The following NFKB1 variants were observed in gnomAD, a reference collection of about 807,000 sequenced individuals.
The protein encoded by NFKB1 is nuclear factor kappa B subunit 1, also known as nuclear factor NF-kappa-B p105 subunit.
Under a neutral mutation model 105.1 loss-of-function variants are expected in NFKB1, and 9 were observed. The observed-to-expected ratio is 0.09, with a 90% CI of 0.05 to 0.15. NFKB1 has a LOEUF of 0.15. Ranked by LOEUF, NFKB1 falls within the 10% of genes least tolerant of loss-of-function variation. The pLI, the probability that NFKB1 is intolerant of heterozygous loss-of-function variation, is 1.00. For missense variants in NFKB1, 830 were observed against 1,203.7 expected, an observed-to-expected ratio of 0.69 and a Z score of 4.59; for synonymous variants, 440 against 442.2, an observed-to-expected ratio of 1.00 and a Z score of 0.06.
intron 5 of NFKB1, among the ~76,000 whole-genome samples, chr4:102,542,716 T>C (rs1742086212): frequency 6.6e-6 from 1 of 152,238 alleles, no homozygotes; most frequent in African/African-American, 2.4e-5. Context: ...AACCCAAATT[T>C]GCCATTGTAT....
At chr4:102,562,941 A>G (rs981718196) in intron 5 of NFKB1, among the ~76,000 whole-genome samples, 2 of 152,178 alleles carry the variant, frequency 1.3e-5, no homozygotes, top group African/African-American at 4.8e-5. Context: ...GAAAAGAACT[A>G]CTTCATGTAT....
intron 1 of NFKB1, among the ~76,000 whole-genome samples, chr4:102,517,574 A>G (rs1460608560): frequency 1.3e-5 from 2 of 152,220 alleles, no homozygotes; most frequent in African/African-American, 4.8e-5. Context: ...TGATAAATAT[A>G]TAGGTAAAGT....
In NFKB1 at chr4:102,501,441, CT is replaced by C; in HGVS notation, c.-353del. 6.6e-6 allele frequency: 1 copy of C among 150,984 alleles called. No individual in the cohort carries two copies. The highest frequency in any genetic ancestry group is 1.5e-5 in the Non-Finnish European group (1 of 67,526). 9.4% of individuals were successfully genotyped at this position (150,984 alleles called of 1,614,324 possible). A position where few individuals can be genotyped will look rare whatever the true frequency, so the allele number is the denominator to read the frequency against. ...CGACGCGCTGACAGCTTCCCCTGCC[CT>C]TCCCGTCGGTCGGGCCGCCAGCCGC... On this transcript the variant is annotated 5_prime_UTR_variant, in exon 1 of 24. Transcript: ENST00000226574.
chr4:102,580,452 C>G, intron 8 of NFKB1, 83 bp from the exon 9 acceptor site: 2 of 1,071,684 alleles, frequency 1.9e-6, no homozygotes, highest in South Asian at 2.6e-5. Context: ...GTCATGTGTG[C>G]TAAGGGGAGG....
In NFKB1 at chr4:102,590,200, T is replaced by C. The variant is rs75656369; in HGVS notation, c.1067-3225T>C. Among the ~76,000 whole-genome samples, 1,043 of 152,282 alleles carry C rather than the reference T, an allele frequency of 6.8e-3. 10 individuals carry two copies. The highest frequency in any genetic ancestry group is 0.024 in the African/African-American group (981 of 41,550). Reference sequence around the variant, plus strand: ...CATTGTCTCTGCCTCTCACTTTAACTCTTTAGTATGTCCCACACACACGTA... The same window carrying C: ...CATTGTCTCTGCCTCTCACTTTAACCCTTTAGTATGTCCCACACACACGTA... On this transcript the variant is annotated intron_variant, in intron 11 of 23. Transcript: ENST00000226574.
intron 1 of NFKB1, among the ~76,000 whole-genome samples, chr4:102,524,958 A>G (rs1598856): frequency 0.6 from 91,808 of 151,974 alleles, 28,600 homozygotes; most frequent in African/African-American, 0.76. Flanking sequence ...CGTTATCCAT[A>G]GCCCAGGGTT....
chr4:102,613,029 A>G (rs1263540644), intron 22 of NFKB1, among the ~76,000 whole-genome samples: 3 of 152,114 alleles, frequency 2.0e-5, no homozygotes, highest in African/African-American at 7.2e-5. Flanking sequence ...ATTTCTAAAA[A>G]TAAAATGTAG....
intron 14 of NFKB1, among the ~76,000 whole-genome samples, chr4:102,597,104 G>GT (rs1280795613): frequency 1.3e-5 from 2 of 152,216 alleles, no homozygotes; most frequent in Non-Finnish European, 2.9e-5. Flanking sequence ...AGAGATGTGT[G>GT]TTTTTTCACA....
chr4:102,589,055 A>G (rs1300470582), intron 11 of NFKB1, among the ~76,000 whole-genome samples: 4 of 152,200 alleles, frequency 2.6e-5, no homozygotes, highest in Admixed American at 6.5e-5. Context: ...GTTCTTTTAT[A>G]AAGCTTATGT....
At chr4:102,518,785 T>C (rs1454090797) in intron 1 of NFKB1, among the ~76,000 whole-genome samples, 1 of 152,192 alleles carries the variant, frequency 6.6e-6, no homozygotes, top group South Asian at 2.1e-4. Context: ...GCTACTCAGC[T>C]GGTGCTAGGG....
In NFKB1 at chr4:102,610,575, G is replaced by T; in HGVS notation, c.2228G>T (p.Gly743Val). Residue 743 changes from glycine (G) to valine (V), a missense_variant and splice_region_variant, in exon 20 of 24, where the codon GGA becomes GTA. Physicochemically the swap from Gly to Val is moderately radical, Grantham distance 109. Around this residue, in one of 8 missense-constraint regions of NFKB1, gnomAD observed 418 missense variants for 575.3 expected, o/e 0.73. Coordinates refer to ENST00000226574, the MANE Select transcript of NFKB1 (RefSeq NM_003998.4). ...TRLAALLKAA[G>V]ADPLVENFEP... ...AATGCTGTGTAATCTAACTTCGCAG[G>T]AGCAGATCCCCTGGTGGAGAACTTT... The T allele has an allele frequency of 6.2e-7, 1 of 1,613,752 alleles. No homozygotes were observed. Among genetic ancestry groups the T allele is most frequent in the South Asian group, 1.1e-5 (1 of 91,032 alleles).
chr4:102,553,505 A>G (rs867385473), intron 5 of NFKB1, among the ~76,000 whole-genome samples: 3 of 152,184 alleles, frequency 2.0e-5, no homozygotes, highest in African/African-American at 7.2e-5. Context: ...TCTATTTTCA[A>G]TGAATAAATG....
intron 1 of NFKB1, among the ~76,000 whole-genome samples, chr4:102,505,207 C>G (rs899977529): frequency 1.3e-5 from 2 of 152,072 alleles, no homozygotes; most frequent in South Asian, 4.2e-4. Context: ...TGCTACACCT[C>G]AAATAATTTA....
chr4:102,505,778 C>T (rs1277645859), intron 1 of NFKB1, among the ~76,000 whole-genome samples: 1 of 152,092 alleles, frequency 6.6e-6, no homozygotes, highest in Non-Finnish European at 1.5e-5. Flanking sequence ...CTAATCAATA[C>T]TGACGAAAGA....
At chr4:102,514,300 A>G (rs896782395) in intron 1 of NFKB1, among the ~76,000 whole-genome samples, 6 of 152,156 alleles carry the variant, frequency 3.9e-5, no homozygotes, top group Middle Eastern at 3.4e-3. Context: ...CTTTCCTACC[A>G]TGGTTTGAAT....
At chr4:102,533,720 C>A in intron 3 of NFKB1, 125 bp from the exon 4 acceptor site, 1 of 791,292 alleles carries the variant, frequency 1.3e-6, no homozygotes, top group Non-Finnish European at 2.1e-6. Flanking sequence ...GAATTTTAAC[C>A]AAAAATTGAT....
At chr4:102,568,032 T>A (rs1724016448) in intron 6 of NFKB1, among the ~76,000 whole-genome samples, 2 of 152,204 alleles carry the variant, frequency 1.3e-5, no homozygotes. Context: ...CTGGTTTAAA[T>A]AGTTTATGCT....
chr4:102,525,962 TC>T (rs1393179349), intron 2 of NFKB1, among the ~76,000 whole-genome samples: 1 of 152,176 alleles, frequency 6.6e-6, no homozygotes, highest in Non-Finnish European at 1.5e-5. Context: ...TCCATGCCTC[TC>T]CCCTAGCTTC....
chr4:102,600,762 A>G, intron 15 of NFKB1, 133 bp from the exon 16 acceptor site: 2 of 668,008 alleles, frequency 3.0e-6, no homozygotes, highest in Non-Finnish European at 5.4e-6. Context: ...CATTTTATAG[A>G]TTCAAAACAT....
Sources: allele counts gnomAD v4.1 joint callset (sites outside exome capture counted in the v4.1 genomes callset), GRCh38; gene constraint gnomAD v4.1.1; regional missense constraint gnomAD v4.1.1; transcripts MANE v1.5; gene names NCBI Gene and HGNC (gene_info 2026-07-23, HGNC 2026-07-21).